TTN: variants seen among roughly 807,000 people sequenced by gnomAD.
TTN encodes titin, also known as connectin.
In TTN, 1,525 loss-of-function variants were observed where a neutral mutation model predicts 3,223.0. The observed-to-expected ratio is 0.47, with a 90% CI of 0.45 to 0.49. The LOEUF (loss-of-function observed/expected upper bound fraction) is 0.49, where lower values mean the gene tolerates loss of function less well. Ranked by LOEUF, TTN falls within the 20% of genes least tolerant of loss-of-function variation. TTN has a pLI of 0.00. For synonymous variants in TTN, 14,094 were observed against 15,161.0 expected (o/e 0.93, Z 5.17); for missense variants, 40,786 against 43,424.0 (o/e 0.94, Z 5.40).
Position 178,534,360 on chromosome 2 carries a change from G to A in TTN, c.102255C>T (p.Ile34085=). 2 of 1,611,460 alleles carry A rather than the reference G, an allele frequency of 1.2e-6. No individual in the cohort carries two copies. Among genetic ancestry groups the A allele is most frequent in the East Asian group, 2.2e-5 (1 of 44,874 alleles). ...AATAACGCCGGTGTTTTAATGTTCT[G>A]ATAACTTTAGTACTGACTCTTTCTA... is the stretch of plus-strand genomic sequence containing the variant. ...QKIERVSTKV[I]RTLKHRRYYH... Residue 34085 remains isoleucine (I), a synonymous_variant, in exon 358 of 363, where the codon ATC becomes ATT. Coordinates refer to ENST00000589042, the MANE Select transcript of TTN (RefSeq NM_001267550.2).
chr2:178,728,535 C>T lies in TTN; in HGVS notation c.19391G>A (p.Gly6464Glu). ...QYTFKVENDFGSSSCDAYLRV... is the reference protein window; with the variant it reads ...QYTFKVENDFESSSCDAYLRV... ...TAAGTAGGCATCACAGCTACTGCTT[C>T]CGAAGTCATTTTCCACCTTGAAAGT... is the stretch of plus-strand genomic sequence containing the variant. Residue 6464 changes from glycine (G) to glutamate (E), a missense_variant, in exon 66 of 363, where the codon GGA becomes GAA. By Grantham distance (98) the Gly-to-Glu change is moderately conservative (BLOSUM62 -2). Transcript: ENST00000589042. 1 of 1,612,348 alleles carries T rather than the reference C, an allele frequency of 6.2e-7. No individual in the cohort carries two copies. The highest frequency in any genetic ancestry group is 8.5e-7 in the Non-Finnish European group (1 of 1,178,946).
At chr2:178,698,461 CAG>C (rs2074123469) in intron 112 of TTN, among the ~76,000 whole-genome samples, 1 of 151,940 alleles carries the variant, frequency 6.6e-6, no homozygotes, top group Non-Finnish European at 1.5e-5. Flanking sequence ...ATTGTATTCA[CAG>C]ATCATAACAT....
chr2:178,688,138 C>T lies in TTN; in HGVS notation c.32284G>A (p.Glu10762Lys). Residue 10762 changes from glutamate (E) to lysine (K), a missense_variant, in exon 127 of 363, where the codon GAA (glutamate) becomes AAA (lysine). Coordinates refer to ENST00000589042, the MANE Select transcript of TTN (RefSeq NM_001267550.2). ...VYREEEREEE[E>K]EAEVTEYEVM... ...TCATATTCTGTAACCTCTGCTTCTTCCTCCTCCTCTCTTTCTTCTTCTCTA... is the reference window on the plus strand; with the variant it reads ...TCATATTCTGTAACCTCTGCTTCTTTCTCCTCCTCTCTTTCTTCTTCTCTA... 6.2e-7 allele frequency: 1 copy of T among 1,612,768 alleles called. No homozygotes were observed. The highest frequency in any genetic ancestry group is 8.5e-7 in the Non-Finnish European group (1 of 1,179,596).
Position 178,554,973 on chromosome 2 carries a change from C to A in TTN, c.88486G>T (p.Ala29496Ser). Residue 29496 changes from alanine (A) to serine (S), a missense_variant, in exon 331 of 363, where the codon GCA becomes TCA. Physicochemically the swap from Ala to Ser is moderately conservative, Grantham distance 99. Transcript: ENST00000589042. ...TCGGCATCTTTGATGAGTATAGATGCGAGGTCCGTGGTATTTTCAACACAC... is the reference window on the plus strand; with the variant it reads ...TCGGCATCTTTGATGAGTATAGATGAGAGGTCCGTGGTATTTTCAACACAC... ...LVCVENTTDLASILIKDADRL... is the reference protein window; with the variant it reads ...LVCVENTTDLSSILIKDADRL... 1 of 1,613,608 alleles carries A rather than the reference C, an allele frequency of 6.2e-7. No homozygotes were observed. Among genetic ancestry groups the A allele is most frequent in the African/African-American group, 1.3e-5 (1 of 75,014 alleles).
chr2:178,733,837 G>A lies in TTN; in HGVS notation c.15552C>T (p.Thr5184=), dbSNP rs146353237. 531 of 1,613,354 alleles carry A rather than the reference G, an allele frequency of 3.3e-4. 8 individuals are homozygous for A. The East Asian group carries it at 0.01, about 31-fold the overall frequency. ...CTCTCACAGCAGCTTGCAGGGTAAC[G>A]GTTTGTCCTCCTAGTGCAATCAAAT... is the stretch of plus-strand genomic sequence containing the variant. ...VDDLIALGGQ[T]VTLQAAVRGS... Residue 5184 remains threonine, a synonymous_variant, in exon 53 of 363, where the codon ACC becomes ACT. Transcript: ENST00000589042.
intron 99 of TTN, among the ~76,000 whole-genome samples, chr2:178,708,417 G>A (rs1016448742): frequency 6.6e-6 from 1 of 152,174 alleles, no homozygotes; most frequent in Non-Finnish European, 1.5e-5. Flanking sequence ...ACATTGATGA[G>A]TAACATGATA....
At chr2:178,649,401 C>A in intron 212 of TTN, 70 bp from the exon 213 acceptor site, 2 of 1,326,540 alleles carry the variant, frequency 1.5e-6, no homozygotes, top group Non-Finnish European at 9.9e-7. Context: ...AATAAAAAAC[C>A]TGTATTTATT....
At position 178,727,861 on chromosome 2, in the gene TTN, G is replaced by C. The variant is rs755348594; in HGVS notation, c.19717C>G (p.Pro6573Ala). ...CCAGGTTTCACTAGGAAGCTTGGTG[G>C]TTCTATAGATTTTAAGAGAGATATA... ...ACSGILTVKE[P>A]PSFLVKPGRQ... is the part of the protein sequence containing the mutation. The change falls in exon 68 of 363, where the codon CCA becomes GCA. Residue 6573 changes from proline (P) to alanine (A), a missense_variant and splice_region_variant. Pro to Ala is a conservative substitution (Grantham distance 27). Transcript: ENST00000589042. 6.4e-7 allele frequency: 1 copy of C among 1,571,718 alleles called. No individual in the cohort carries two copies. The highest frequency in any genetic ancestry group is 1.9e-5 in the Admixed American group (1 of 52,202).
Position 178,663,276 on chromosome 2 carries a change from A to G in TTN, c.36690T>C (p.Pro12230=). 1 of 1,561,356 alleles carries G rather than the reference A, an allele frequency of 6.4e-7. No homozygotes were observed. The highest frequency in any genetic ancestry group is 8.7e-7 in the Non-Finnish European group (1 of 1,154,488). ...TAGCTTTGGCATTACCTTCAGGGGG[A>G]GGACTTTCCGGTTTGGGAGGAATAG... ...PEAIPPKPES[P]PPEVPEVLPP... is the part of the protein sequence containing the mutation. Residue 12230 remains proline (P), a synonymous_variant, in exon 173 of 363, where the codon CCT becomes CCC. Coordinates refer to ENST00000589042, the MANE Select transcript of TTN (RefSeq NM_001267550.2).
rs1265450191 is a variant in TTN, at chr2:178,601,787, G to A, written c.55303C>T (p.Leu18435=). 3 of 1,602,462 alleles carry A rather than the reference G, an allele frequency of 1.9e-6. No homozygotes were observed. Among genetic ancestry groups the A allele is most frequent in the South Asian group, 2.3e-5 (2 of 88,162 alleles). Residue 18435 remains leucine (L), a splice_region_variant and synonymous_variant, in exon 286 of 363, where the codon CTG becomes TTG. Transcript: ENST00000589042. ...GVHDIPEDAQ[L]ETAENSSVII... ...ACTGAGGAGTTTTCAGCAGTCTCCA[G>A]CTGTACAAAGAAAATAGTAGTCATA...
rs75877359 is a variant in TTN, at chr2:178,724,914, T to C, written c.20837-376A>G. The C allele has an allele frequency of 7.8e-3, 1,498 of 192,964 alleles. 22 individuals carry two copies. The highest frequency in any genetic ancestry group is 0.032 in the African/African-American group (1,396 of 43,296). The allele number at this position is 192,964 out of a possible 1,614,324, so 12.0% of individuals were successfully genotyped here. A position where few individuals can be genotyped will look rare whatever the true frequency, so the allele number is the denominator to read the frequency against. ...GTAGATCAAAGTCTACAGGTTATTG[T>C]GAATTACTTGGTATTTTTGCTCTAC... On this transcript the variant is annotated intron_variant, in intron 71 of 362. Coordinates refer to ENST00000589042, the MANE Select transcript of TTN (RefSeq NM_001267550.2).
At position 178,592,547 on chromosome 2, in the gene TTN, A is replaced by C; in HGVS notation, c.59458T>G (p.Trp19820Gly). 4 of 1,613,324 alleles carry C rather than the reference A, an allele frequency of 2.5e-6. No individual in the cohort carries two copies. The highest frequency in any genetic ancestry group is 3.4e-6 in the Non-Finnish European group (4 of 1,179,546). Reference protein sequence around the residue: ...IKGVPFPKVTWKKEDRDAPTK... With the variant: ...IKGVPFPKVTGKKEDRDAPTK... ...GGAGCATCTCTGTCTTCTTTTTTCC[A>C]AGTTACTTTTGGGAATGGCACTCCT... The change falls in exon 301 of 363, where the codon TGG becomes GGG. Residue 19820 changes from tryptophan to glycine, a missense_variant. Trp to Gly is a radical substitution (Grantham distance 184). Transcript: ENST00000589042.
chr2:178,689,247 C>T, intron 124 of TTN, 43 bp downstream of exon 124: 1 of 1,601,864 alleles, frequency 6.2e-7, no homozygotes, highest in Non-Finnish European at 8.5e-7. Flanking sequence ...AACAAAATCA[C>T]TGGAACATAA....
At position 178,768,703 on chromosome 2, in the gene TTN, C is replaced by T. The variant is rs755527049; in HGVS notation, c.9133G>A (p.Ala3045Thr). The T allele has an allele frequency of 5.0e-6, 8 of 1,613,770 alleles. No individual in the cohort carries two copies. The highest frequency in any genetic ancestry group is 2.7e-5 in the African/African-American group (2 of 74,920). Residue 3045 changes from alanine (A) to threonine (T), a missense_variant, in exon 38 of 363, where the codon GCA becomes ACA. By Grantham distance (58) the Ala-to-Thr change is moderately conservative. Coordinates refer to ENST00000589042, the MANE Select transcript of TTN (RefSeq NM_001267550.2). ...ACATAAAGTGTGGCTGTTGATGTTG[C>T]TTTTCCAGCCACAAAGGTGTAGTCA... ...AADYTFVAGK[A>T]TSTATLYVEA... is the part of the protein sequence containing the mutation.
rs727505053 is a variant in TTN at position 178,561,734 on chromosome 2, T to C, written c.84398A>G (p.Asn28133Ser). Residue 28133 changes from asparagine to serine, a missense_variant, in exon 326 of 363, where the codon AAC becomes AGC. Asn to Ser is a conservative substitution (Grantham distance 46). Coordinates refer to ENST00000589042, the MANE Select transcript of TTN (RefSeq NM_001267550.2). ...SEYQFRVCAE[N>S]RYGKSSYSES... Reference sequence around the variant, plus strand: ...ACTGTAGGAGCTCTTTCCATAGCGGTTTTCTGCACAAACACGGAACTGATA... The same window carrying C: ...ACTGTAGGAGCTCTTTCCATAGCGGCTTTCTGCACAAACACGGAACTGATA... The C allele has an allele frequency of 9.9e-6, 16 of 1,612,308 alleles. No individual in the cohort carries two copies. Among genetic ancestry groups the C allele is most frequent in the Middle Eastern group, 1.6e-4 (1 of 6,070 alleles).
Position 178,724,129 on chromosome 2 carries a change from G to A in TTN, c.21130C>T (p.Pro7044Ser), listed in dbSNP as rs773899102. The change falls in exon 73 of 363, where the codon CCC becomes TCC. Residue 7044 changes from proline to serine, a missense_variant. Pro to Ser is a moderately conservative substitution (Grantham distance 74). Coordinates refer to ENST00000589042, the MANE Select transcript of TTN (RefSeq NM_001267550.2). ...VVDVSDRAVP[P>S]SFTRRLKNTG... ...TTTTTCAGTCTTCGTGTGAAAGAGG[G>A]AGGAACTGCTCGGTCTGTGTGAGGA... The A allele has an allele frequency of 6.2e-6, 10 of 1,611,606 alleles. No individual in the cohort carries two copies. The highest frequency in any genetic ancestry group is 8.5e-6 in the Non-Finnish European group (10 of 1,178,360).
At chr2:178,726,236 A>G (rs1023364529) in intron 69 of TTN, 190 bp from the exon 70 acceptor site, 43 of 547,598 alleles carry the variant, frequency 7.9e-5, no homozygotes, top group Non-Finnish European at 3.0e-6. Flanking sequence ...CTAGATGGGC[A>G]GAGAACCCAG....
chr2:178,729,206 T>C (rs1338040759), intron 64 of TTN, 37 bp from the exon 65 acceptor site: 2 of 1,547,352 alleles, frequency 1.3e-6, no homozygotes, highest in Non-Finnish European at 1.7e-6. Context: ...AGAAGAAACA[T>C]ATTGTAACTC....
At position 178,757,630 on chromosome 2, in the gene TTN, G is replaced by A; in HGVS notation, c.10590C>T (p.Tyr3530=). ...GMALMLIVDA[Y]SEHAGQYSCK... is the part of the protein sequence containing the mutation. ...AAGAGTACTGCCCAGCATGCTCTGAGTAAGCATCAACTATAAGCATTAAAG... is the reference window on the plus strand; with the variant it reads ...AAGAGTACTGCCCAGCATGCTCTGAATAAGCATCAACTATAAGCATTAAAG... The change falls in exon 45 of 363, where the codon TAC becomes TAT. Residue 3530 remains tyrosine, a synonymous_variant. Transcript: ENST00000589042. 1 of 1,613,742 alleles carries A rather than the reference G, an allele frequency of 6.2e-7. No individual in the cohort carries two copies. Among genetic ancestry groups the A allele is most frequent in the Non-Finnish European group, 8.5e-7 (1 of 1,179,718 alleles).
Sources: allele counts gnomAD v4.1 joint callset (sites outside exome capture counted in the v4.1 genomes callset), GRCh38; gene constraint gnomAD v4.1.1; transcripts MANE v1.5; gene names NCBI Gene and HGNC (gene_info 2026-07-23, HGNC 2026-07-21).